Variants in NFIA observed in about 807,000 individuals in gnomAD.
The protein encoded by NFIA is nuclear factor I A.
In NFIA, 8 loss-of-function variants were observed where a neutral mutation model predicts 62.8. The observed-to-expected ratio is 0.13, with a 90% CI of 0.07 to 0.23. The LOEUF is 0.23. Ranked by LOEUF, NFIA falls within the 10% of genes least tolerant of loss-of-function variation. NFIA has a pLI of 1.00. For missense variants in NFIA, 410 were observed against 642.1 expected, an observed-to-expected ratio of 0.64 and a Z score of 3.91; for synonymous variants, 235 against 238.1, an observed-to-expected ratio of 0.99 and a Z score of 0.12.
Position 61,352,351 on chromosome 1 carries a change from T to C in NFIA, c.701-99T>C, listed in dbSNP as rs1662589833. On this transcript the variant is annotated intron_variant, in intron 4 of 10. Coordinates refer to ENST00000403491, the MANE Select transcript of NFIA (RefSeq NM_001134673.4). ...TATTTTCGATTCGCTTACATATAAA[T>C]GCAAAAAGAAAATGTGCTAAATGCA... The C allele has an allele frequency of 3.7e-6, 3 of 800,814 alleles. No individual in the cohort carries two copies. The Admixed American group carries it at 6.6e-5, about 18-fold the overall frequency. The allele number at this position is 800,814 out of a possible 1,614,324, so 49.6% of individuals were successfully genotyped here. A position where few individuals can be genotyped will look rare whatever the true frequency, so the allele number is the denominator to read the frequency against.
At chr1:61,418,971 G>C (rs1369179511) in intron 9 of NFIA, among the ~76,000 whole-genome samples, 1 of 152,156 alleles carries the variant, frequency 6.6e-6, no homozygotes, top group East Asian at 1.9e-4. Context: ...ATACATGGTT[G>C]CTTCTGATCA....
At chr1:61,082,492 A>G, upstream of NFIA, 3 of 1,127,970 alleles carry the variant, frequency 2.7e-6, no homozygotes, top group Non-Finnish European at 3.3e-6. Context: ...GGAGCGGGAA[A>G]GGGTGCGCTA....
chr1:61,086,121 G>A (rs1646214149), intron 1 of NFIA, among the ~76,000 whole-genome samples: 1 of 152,134 alleles, frequency 6.6e-6, no homozygotes, highest in South Asian at 2.1e-4. Context: ...ACTTTAAAAT[G>A]AAGTCCTCCT....
chr1:61,319,607 T>C (rs1172384339), intron 3 of NFIA, among the ~76,000 whole-genome samples: 2 of 152,042 alleles, frequency 1.3e-5, no homozygotes, highest in Non-Finnish European at 2.9e-5. Flanking sequence ...CCAGTAGAGG[T>C]TATTTTAAAA....
chr1:61,384,344 T>C (rs1219547681), intron 7 of NFIA, among the ~76,000 whole-genome samples: 2 of 152,190 alleles, frequency 1.3e-5, no homozygotes, highest in Non-Finnish European at 2.9e-5. Flanking sequence ...CTCAGGGAAA[T>C]GTGGCAGGTA....
intron 2 of NFIA, among the ~76,000 whole-genome samples, chr1:61,125,781 A>G (rs991817070): frequency 6.6e-5 from 10 of 152,228 alleles, no homozygotes; most frequent in African/African-American, 2.4e-4. Flanking sequence ...TACTTTGTAC[A>G]CATAATATAG....
intron 9 of NFIA, among the ~76,000 whole-genome samples, chr1:61,413,615 C>CTTTTT (rs869258274): frequency 2.2e-4 from 15 of 68,392 alleles, no homozygotes; most frequent in Non-Finnish European, 3.6e-4. Context: ...AAGTATTTTG[C>CTTTTT]TTTTTTTTTT....
At chr1:61,427,324 T>A (rs1232573487) in intron 10 of NFIA, among the ~76,000 whole-genome samples, 1 of 152,192 alleles carries the variant, frequency 6.6e-6, no homozygotes, top group African/African-American at 2.4e-5. Context: ...GGTAGAGGCA[T>A]TTAGAGGTTT....
At chr1:61,185,631 C>G (rs1210020001) in intron 2 of NFIA, among the ~76,000 whole-genome samples, 1 of 149,868 alleles carries the variant, frequency 6.7e-6, no homozygotes, top group East Asian at 2.0e-4. Flanking sequence ...CCTTTCTAAC[C>G]CCACTTTTTT....
At position 61,187,815 on chromosome 1, in the gene NFIA, G is replaced by T. The variant is rs565229849; in HGVS notation, c.560-89705G>T. Among the ~76,000 whole-genome samples, 3 of 152,156 alleles carry T rather than the reference G, an allele frequency of 2.0e-5. No homozygotes were observed. The South Asian group carries it at 6.2e-4, about 32-fold the overall frequency. ...CTGTCCCTGCTGAAAACCAGGGCAGGTCTCATCACAGCCCCATCTCCATTT... is the reference window on the plus strand; with the variant it reads ...CTGTCCCTGCTGAAAACCAGGGCAGTTCTCATCACAGCCCCATCTCCATTT... On this transcript the variant is annotated intron_variant, in intron 2 of 10. Transcript: ENST00000403491.
rs1446237981 is a variant in NFIA, at chr1:61,461,861, C to G, written c.*6541C>G. ...AACTTTTGTATCTCTGCAGTGGTTT[C>G]AAGGACAAATAGTGTCCAATGTATT... On this transcript the variant is annotated 3_prime_UTR_variant, in exon 11 of 11. Transcript: ENST00000403491. 1 of 152,008 alleles carries G rather than the reference C, an allele frequency of 6.6e-6. No individual in the cohort carries two copies. Among genetic ancestry groups the G allele is most frequent in the Non-Finnish European group, 1.5e-5 (1 of 68,012 alleles). The allele number at this position is 152,008 out of a possible 1,614,324, so 9.4% of individuals were successfully genotyped here.
intron 2 of NFIA, among the ~76,000 whole-genome samples, chr1:61,121,565 G>A (rs1646887506): frequency 6.6e-6 from 1 of 152,136 alleles, no homozygotes; most frequent in Non-Finnish European, 1.5e-5. Flanking sequence ...AGCAGGAAAT[G>A]GTAAATATAC....
intron 10 of NFIA, among the ~76,000 whole-genome samples, chr1:61,443,430 C>G (rs1333308511): frequency 6.6e-6 from 1 of 152,154 alleles, no homozygotes; most frequent in Non-Finnish European, 1.5e-5. Flanking sequence ...CCATCCACCC[C>G]CAGCCATGCA....
At chr1:61,086,814 T>C (rs1269572215) in intron 1 of NFIA, among the ~76,000 whole-genome samples, 9 of 152,164 alleles carry the variant, frequency 5.9e-5, no homozygotes, top group Non-Finnish European at 4.4e-5. Context: ...ACATTACTGC[T>C]ACCTGTGCCT....
intron 3 of NFIA, among the ~76,000 whole-genome samples, chr1:61,290,902 T>C (rs542331139): frequency 6.6e-6 from 1 of 152,336 alleles, no homozygotes; most frequent in African/African-American, 2.4e-5. Flanking sequence ...TGTGAACTCA[T>C]GGGTTCTCTT....
At chr1:61,082,114 C>G (rs1646104937), upstream of NFIA, 1 of 1,433,638 alleles carries the variant, frequency 7.0e-7, no homozygotes, top group Non-Finnish European at 9.4e-7. Context: ...TTTGCTTAAG[C>G]ACATCCTGTG....
intron 3 of NFIA, among the ~76,000 whole-genome samples, chr1:61,314,248 G>A (rs1027577308): frequency 1.3e-5 from 2 of 151,964 alleles, no homozygotes; most frequent in Non-Finnish European, 2.9e-5. Flanking sequence ...TCCACTACCA[G>A]AGCCCTTACC....
At chr1:61,111,055 T>G (rs1228716588) in intron 2 of NFIA, among the ~76,000 whole-genome samples, 1 of 152,098 alleles carries the variant, frequency 6.6e-6, no homozygotes, top group Non-Finnish European at 1.5e-5. Flanking sequence ...CATTATAGGT[T>G]TACTTAATAG....
At chr1:61,321,744 G>A (rs1660689746) in intron 3 of NFIA, among the ~76,000 whole-genome samples, 1 of 151,358 alleles carries the variant, frequency 6.6e-6, no homozygotes, top group African/African-American at 2.4e-5. Context: ...CCAGTTCATT[G>A]TGTGATGCCA....
Sources: gnomAD v4.1 joint callset for allele counts (sites outside exome capture counted in the v4.1 genomes callset) on GRCh38, gnomAD v4.1.1 for gene constraint, MANE v1.5 for transcripts, NCBI Gene and HGNC (gene_info 2026-07-23, HGNC 2026-07-21) for gene names.